DRC9: variants seen among roughly 807,000 people sequenced by gnomAD.
DRC9 encodes the protein dynein regulatory complex subunit 9.
At chr3:197,913,732 G>A in the DRC9 span, 1 of 844,332 alleles carries the variant, frequency 1.2e-6, no homozygotes, top group Non-Finnish European at 2.0e-6. Flanking sequence ...TCCTCATTTA[G>A]GCTTTTATTT....
At chr3:197,892,721 G>A in the DRC9 span, 18 of 1,613,994 alleles carry the variant, frequency 1.1e-5, no homozygotes, top group East Asian at 8.9e-5. Context: ...TGTCCTTATC[G>A]TATTTCTCCA....
At chr3:197,894,851 G>A in the DRC9 span, among the ~76,000 whole-genome samples, 2 of 152,228 alleles carry the variant, frequency 1.3e-5, no homozygotes, top group Non-Finnish European at 2.9e-5. Context: ...ACTGCTTGAG[G>A]CCAGGAGTTT....
chr3:197,935,412 A>C, the DRC9 span, among the ~76,000 whole-genome samples: 59,736 of 150,712 alleles, frequency 0.4, 16,333 homozygotes, highest in African/African-American at 0.79. Flanking sequence ...GCACTCCAGT[A>C]TGGGCGACAG....
At chr3:197,928,442 G>C in the DRC9 span, among the ~76,000 whole-genome samples, 1 of 150,544 alleles carries the variant, frequency 6.6e-6, no homozygotes, top group Non-Finnish European at 1.5e-5. Context: ...TCCACCTCTC[G>C]GGTTCAAGCG....
At chr3:197,950,905 G>T in the DRC9 span, 1 of 1,612,492 alleles carries the variant, frequency 6.2e-7, no homozygotes, top group South Asian at 1.1e-5. Context: ...GTGTGGCTTG[G>T]TTTTAAACTA....
At chr3:197,950,840 T>C in the DRC9 span, 2 of 1,115,598 alleles carry the variant, frequency 1.8e-6, no homozygotes, top group East Asian at 2.4e-5. Flanking sequence ...GAAACTCCCA[T>C]CCAAAAGGAA....
the DRC9 span, among the ~76,000 whole-genome samples, chr3:197,935,216 G>A: frequency 6.6e-6 from 1 of 151,976 alleles, no homozygotes; most frequent in African/African-American, 2.4e-5. Context: ...TGAGGCGGGC[G>A]GATCACCTGA....
At chr3:197,896,478 A>G in the DRC9 span, among the ~76,000 whole-genome samples, 13 of 152,376 alleles carry the variant, frequency 8.5e-5, 2 homozygotes, top group South Asian at 2.7e-3. Context: ...GAAACAAAAT[A>G]AAGTATATAA....
the DRC9 span, chr3:197,892,575 C>A: frequency 1.9e-6 from 3 of 1,592,236 alleles, no homozygotes; most frequent in Non-Finnish European, 2.6e-6. Flanking sequence ...CCTCAGTGAG[C>A]ACCCTAATTC....
chr3:197,904,883 A>G, the DRC9 span, among the ~76,000 whole-genome samples: 1 of 152,220 alleles, frequency 6.6e-6, no homozygotes, highest in Admixed American at 6.5e-5. Flanking sequence ...AAGGTGGGAC[A>G]TATAAACAAT....
At chr3:197,954,369 T>G in the DRC9 span, 1 of 583,812 alleles carries the variant, frequency 1.7e-6, no homozygotes, top group African/African-American at 1.9e-5. Context: ...GGTCTCACTT[T>G]GTCACCCAGG....
chr3:197,937,010 C>G, the DRC9 span, among the ~76,000 whole-genome samples: 5 of 152,202 alleles, frequency 3.3e-5, no homozygotes, highest in African/African-American at 1.2e-4. Context: ...TTCGGCTTTG[C>G]AGGGCGTAAG....
At chr3:197,946,054 T>G in the DRC9 span, among the ~76,000 whole-genome samples, 6,138 of 152,320 alleles carry the variant, frequency 0.04, 153 homozygotes, top group South Asian at 0.088. Context: ...AATATTTAAT[T>G]AGGTCACTCA....
At chr3:197,941,319 C>T in the DRC9 span, among the ~76,000 whole-genome samples, 1 of 108,162 alleles carries the variant, frequency 9.2e-6, no homozygotes, top group Non-Finnish European at 1.7e-5. Flanking sequence ...TCCCTTTCTT[C>T]CTTCCTTCCT....
chr3:197,953,757 T>A, the DRC9 span: 4 of 576,506 alleles, frequency 6.9e-6, no homozygotes, highest in Non-Finnish European at 9.3e-6. Context: ...CTATGTATTT[T>A]CCTTAAACTT....
chr3:197,960,145 T>G, the DRC9 span: 1 of 1,303,082 alleles, frequency 7.7e-7, no homozygotes, highest in South Asian at 1.4e-5. Context: ...AAAGCGCCTT[T>G]CCGCCGGCTG....
chr3:197,950,934 AGGCC>A, the DRC9 span: 1 of 1,614,068 alleles, frequency 6.2e-7, no homozygotes, highest in Non-Finnish European at 8.5e-7. Flanking sequence ...GTTTGTTTTA[AGGCC>A]TGCTGGGAAC....
the DRC9 span, chr3:197,912,502 A>C: frequency 2.2e-4 from 122 of 564,326 alleles, no homozygotes; most frequent in Middle Eastern, 8.4e-4. Context: ...CTCTCAAATT[A>C]CAGCTATATA....
the DRC9 span, among the ~76,000 whole-genome samples, chr3:197,922,716 A>ATAAATAAATAAT: frequency 4.7e-5 from 7 of 148,146 alleles, no homozygotes; most frequent in African/African-American, 1.8e-4. Flanking sequence ...AAAAATAAAA[A>ATAAATAAATAAT]TAAATAAATA....
Sources: gnomAD v4.1 joint callset for allele counts (sites outside exome capture counted in the v4.1 genomes callset) on GRCh38, gnomAD v4.1.1 for gene constraint, MANE v1.5 for transcripts, NCBI Gene and HGNC (gene_info 2026-07-23, HGNC 2026-07-21) for gene names.